CTAGE9: variants seen among roughly 807,000 people sequenced by gnomAD.
CTAGE9 encodes the protein cutaneous T-cell lymphoma-associated antigen 9.
For missense variants in CTAGE9, 248 were observed against 884.0 expected (o/e 0.28, Z 9.12); for synonymous variants, 107 against 315.9 (o/e 0.34, Z 7.01).
chr6:131,710,924 G>A lies in CTAGE9; in HGVS notation c.94C>T (p.Pro32Ser), dbSNP rs199536433. 1.3e-4 allele frequency: 212 copies of A among 1,592,670 alleles called. 4 individuals are homozygous for A. The highest frequency in any genetic ancestry group is 1.6e-4 in the Non-Finnish European group (192 of 1,178,830). ...VVAALPESMR[P>S]DENPYGFPSE... ...GGAAAACCATAAGGATTCTCATCTG[G>A]TCTCATACTCTCAGGTAGTGCTGCC... is the stretch of plus-strand genomic sequence containing the variant. The change falls in exon 1 of 1, where the codon CCA becomes TCA. Residue 32 changes from proline (P) to serine (S), a missense_variant. By Grantham distance (74) the Pro-to-Ser change is moderately conservative. Transcript: ENST00000314099.
rs1246411599 is a variant in CTAGE9 at position 131,709,758 on chromosome 6, T to G, written c.1260A>C (p.Glu420Asp). ...IEEEEKLSRV[E>D]EKISHATEEL... is the part of the protein sequence containing the mutation. ...CTTCAGTGGCATGGCTGATCTTTTC[T>G]TCCACTCTAGAAAGCTTCTCTTCTT... is the stretch of plus-strand genomic sequence containing the variant. Residue 420 changes from glutamate to aspartate, a missense_variant, in exon 1 of 1, where the codon GAA (glutamate) becomes GAC (aspartate). Transcript: ENST00000314099. 6.2e-7 allele frequency: 1 copy of G among 1,613,884 alleles called. No homozygotes were observed. Among genetic ancestry groups the G allele is most frequent in the Non-Finnish European group, 8.5e-7 (1 of 1,179,942 alleles).
At position 131,709,778 on chromosome 6, in the gene CTAGE9, C is replaced by A; in HGVS notation, c.1240G>T (p.Glu414Ter). ...VEENYRIEEE[E>*]KLSRVEEKIS... ...TTTTCTTCCACTCTAGAAAGCTTCTCTTCTTCCTCTATTCGGTAATTTTCC... is the reference window on the plus strand; with the variant it reads ...TTTTCTTCCACTCTAGAAAGCTTCTATTCTTCCTCTATTCGGTAATTTTCC... The change falls in exon 1 of 1, where the codon GAG (glutamate) becomes TAG (stop). Residue 414 changes from glutamate (E) to a stop codon, truncating the protein, a stop_gained. Coordinates refer to ENST00000314099, the MANE Select transcript of CTAGE9 (RefSeq NM_001145659.1). LOFTEE classifies it low-confidence loss of function (END_TRUNC). 6.2e-7 allele frequency: 1 copy of A among 1,613,820 alleles called. No individual in the cohort carries two copies. The highest frequency in any genetic ancestry group is 8.5e-7 in the Non-Finnish European group (1 of 1,179,898).
rs1407468613 is a variant in CTAGE9 at position 131,710,932 on chromosome 6, C to A, written c.86G>T (p.Ser29Ile). The stretch of plus-strand genomic sequence containing the variant: ...ATAAGGATTCTCATCTGGTCTCATA[C>A]TCTCAGGTAGTGCTGCCACAACTCT... ...LGRVVAALPE[S>I]MRPDENPYGF... Residue 29 changes from serine to isoleucine, a missense_variant, in exon 1 of 1, where the codon AGT (serine) becomes ATT (isoleucine). Ser to Ile is a moderately radical substitution (Grantham distance 142). Coordinates refer to ENST00000314099, the MANE Select transcript of CTAGE9 (RefSeq NM_001145659.1). 33 of 1,587,916 alleles carry A rather than the reference C, an allele frequency of 2.1e-5. 3 individuals carry two copies. The East Asian group carries it at 7.5e-4, about 36-fold the overall frequency.
In CTAGE9 at chr6:131,709,757, C is replaced by G; in HGVS notation, c.1261G>C (p.Glu421Gln). The stretch of plus-strand genomic sequence containing the variant: ...TCTTCAGTGGCATGGCTGATCTTTT[C>G]TTCCACTCTAGAAAGCTTCTCTTCT... ...EEEEKLSRVE[E>Q]KISHATEELE... Residue 421 changes from glutamate to glutamine, a missense_variant, in exon 1 of 1, where the codon GAA (glutamate) becomes CAA (glutamine). Transcript: ENST00000314099. The G allele has an allele frequency of 6.2e-7, 1 of 1,613,990 alleles. No individual in the cohort carries two copies. Among genetic ancestry groups the G allele is most frequent in the Non-Finnish European group, 8.5e-7 (1 of 1,179,936 alleles).
rs574124456 is a variant in CTAGE9 at position 131,710,081 on chromosome 6, C to A, written c.937G>T (p.Gly313Ter). 6.2e-7 allele frequency: 1 copy of A among 1,613,742 alleles called. No homozygotes were observed. Among genetic ancestry groups the A allele is most frequent in the African/African-American group, 1.3e-5 (1 of 75,028 alleles). The part of the protein sequence containing the change: ...NGANLDDPPK[G>*]ALKKLIHAAK... ...GCATGAATCAGTTTCTTCAAAGCTC[C>A]TTTCGGAGGATCATCTAAGTTAGCA... The change falls in exon 1 of 1, where the codon GGA becomes TGA. Residue 313 changes from glycine to a stop codon, truncating the protein, a stop_gained. Transcript: ENST00000314099. LOFTEE classifies it low-confidence loss of function (END_TRUNC).
rs755181349 is a variant in CTAGE9 at position 131,710,996 on chromosome 6, G to T, written c.22C>A (p.Pro8Thr). The change falls in exon 1 of 1, where the codon CCT (proline) becomes ACT (threonine). Residue 8 changes from proline (P) to threonine (T), a missense_variant. By Grantham distance (38) the Pro-to-Thr change is conservative. Transcript: ENST00000314099. MEEPGAT[P>T]QPYLGLVLEE... Reference sequence around the variant, plus strand: ...AGGACCAGCCCCAGGTAGGGCTGAGGGGTAGCACCAGGCTCCTCCATAGCG... The same window carrying T: ...AGGACCAGCCCCAGGTAGGGCTGAGTGGTAGCACCAGGCTCCTCCATAGCG... 1 of 1,584,664 alleles carries T rather than the reference G, an allele frequency of 6.3e-7. No homozygotes were observed. The highest frequency in any genetic ancestry group is 8.5e-7 in the Non-Finnish European group (1 of 1,176,756).
At position 131,708,615 on chromosome 6, in the gene CTAGE9, G is replaced by C. The variant is rs1423220337; in HGVS notation, c.*69C>G. 3.2e-6 allele frequency: 5 copies of C among 1,560,430 alleles called. No homozygotes were observed. The highest frequency in any genetic ancestry group is 4.3e-6 in the Non-Finnish European group (5 of 1,164,222). Reference sequence around the variant, plus strand: ...ACAATATTGTCAGGTGTCTTGCTGTGGTTCTGGATGTCCAGTAGCAGGCTC... The same window carrying C: ...ACAATATTGTCAGGTGTCTTGCTGTCGTTCTGGATGTCCAGTAGCAGGCTC... On this transcript the variant is annotated 3_prime_UTR_variant, in exon 1 of 1. Coordinates refer to ENST00000314099, the MANE Select transcript of CTAGE9 (RefSeq NM_001145659.1).
In CTAGE9 at chr6:131,709,712, G is replaced by C. The variant is rs1168468310; in HGVS notation, c.1306C>G (p.Leu436Val). The C allele has an allele frequency of 1.9e-6, 3 of 1,613,860 alleles. No homozygotes were observed. The highest frequency in any genetic ancestry group is 2.5e-6 in the Non-Finnish European group (3 of 1,179,920). ...ATEELETYRK[L>V]AKDLEEELER... is the part of the protein sequence containing the mutation. ...AATTCTTCTTCAAGATCTTTGGCTA[G>C]CTTTCTATAGGTCTCCAGCTCTTCA... is the stretch of plus-strand genomic sequence containing the variant. Residue 436 changes from leucine to valine, a missense_variant, in exon 1 of 1, where the codon CTA becomes GTA. By Grantham distance (32) the Leu-to-Val change is conservative. Transcript: ENST00000314099.
In CTAGE9 at chr6:131,708,480, G is replaced by A. The variant is rs1453576189; in HGVS notation, c.*204C>T. 6.6e-6 allele frequency among the ~76,000 whole-genome samples: 1 copy of A among 152,276 alleles called. No individual in the cohort carries two copies. The highest frequency in any genetic ancestry group is 6.5e-5 in the Admixed American group (1 of 15,290). On this transcript the variant is annotated 3_prime_UTR_variant, in exon 1 of 1. Coordinates refer to ENST00000314099, the MANE Select transcript of CTAGE9 (RefSeq NM_001145659.1). The stretch of plus-strand genomic sequence containing the variant: ...ATCTTTATTTACAAAATACTATCCT[G>A]AGAACTATTATTCCATTAAACTTCA...
Position 131,709,723 on chromosome 6 carries a change from G to GTC in CTAGE9, c.1293_1294dup (p.Thr432ArgfsTer6). On this transcript the variant is annotated frameshift_variant, in exon 1 of 1. Coordinates refer to ENST00000314099, the MANE Select transcript of CTAGE9 (RefSeq NM_001145659.1). LOFTEE classifies it low-confidence loss of function (END_TRUNC). ...AAGATCTTTGGCTAGCTTTCTATAG[G>GTC]TCTCCAGCTCTTCAGTGGCATGGCT... is the stretch of plus-strand genomic sequence containing the variant. 4 of 1,613,892 alleles carry GTC rather than the reference G, an allele frequency of 2.5e-6. No individual in the cohort carries two copies. The highest frequency in any genetic ancestry group is 3.4e-6 in the Non-Finnish European group (4 of 1,179,922).
In CTAGE9 at chr6:131,710,142, G is replaced by A. The variant is rs371055085; in HGVS notation, c.876C>T (p.Asn292=). The change falls in exon 1 of 1, where the codon AAC becomes AAT. Residue 292 remains asparagine (N), a synonymous_variant. Coordinates refer to ENST00000314099, the MANE Select transcript of CTAGE9 (RefSeq NM_001145659.1). ...ATTGACTGTTCACTTTTAATTCCAG[G>A]TTATCATCATCCGTTGTGTCTTCTT... ...VLEEDTTDDD[N]LELKVNSQWE... The A allele has an allele frequency of 1.1e-4, 179 of 1,613,682 alleles. No individual in the cohort carries two copies. The highest frequency in any genetic ancestry group is 1.4e-4 in the Non-Finnish European group (164 of 1,179,856).
At position 131,710,495 on chromosome 6, in the gene CTAGE9, G is replaced by A. The variant is rs1181200430; in HGVS notation, c.523C>T (p.Gln175Ter). 1 of 1,603,804 alleles carries A rather than the reference G, an allele frequency of 6.2e-7. No homozygotes were observed. Among genetic ancestry groups the A allele is most frequent in the Admixed American group, 1.7e-5 (1 of 58,816 alleles). ...ELMADISKSIQSLEDESKSLK... is the reference protein window; with the variant it reads ...ELMADISKSI ...GATTTTGACTCATCTTCTAGAGACT[G>A]TATACTTTTTGAAATATCCGCCATC... is the stretch of plus-strand genomic sequence containing the variant. The change falls in exon 1 of 1, where the codon CAG (glutamine) becomes TAG (stop). Residue 175 changes from glutamine (Q) to a stop codon, truncating the protein, a stop_gained. Coordinates refer to ENST00000314099, the MANE Select transcript of CTAGE9 (RefSeq NM_001145659.1). LOFTEE classifies it low-confidence loss of function (END_TRUNC).
Position 131,710,576 on chromosome 6 carries a change from A to G in CTAGE9, c.442T>C (p.Cys148Arg), listed in dbSNP as rs760422708. ...SNSELEDEIL[C>R]LEKDLKEEKS... The stretch of plus-strand genomic sequence containing the variant: ...TCTTCTTTTAAGTCTTTTTCTAGAC[A>G]GAGGATTTCATCCTCAAGTTCAGAA... Residue 148 changes from cysteine (C) to arginine (R), a missense_variant, in exon 1 of 1, where the codon TGT (cysteine) becomes CGT (arginine). Cys to Arg is a radical substitution (Grantham distance 180). Transcript: ENST00000314099. 6.2e-7 allele frequency: 1 copy of G among 1,613,258 alleles called. No homozygotes were observed. Among genetic ancestry groups the G allele is most frequent in the Non-Finnish European group, 8.5e-7 (1 of 1,179,844 alleles).
Position 131,710,797 on chromosome 6 carries a change from C to T in CTAGE9, c.221G>A (p.Arg74Lys), listed in dbSNP as rs1341056514. 2.5e-6 allele frequency: 4 copies of T among 1,613,542 alleles called. No individual in the cohort carries two copies. Among genetic ancestry groups the T allele is most frequent in the East Asian group, 2.2e-5 (1 of 44,884 alleles). ...AAGCGTTGCACCAAGTTTTTGCTCT[C>T]TTCCCACATAAAGCCGACTCCTAAC... ...RSVRSRLYVG[R>K]EQKLGATLSG... Residue 74 changes from arginine to lysine, a missense_variant, in exon 1 of 1, where the codon AGA becomes AAA. Physicochemically the swap from Arg to Lys is conservative, Grantham distance 26. Coordinates refer to ENST00000314099, the MANE Select transcript of CTAGE9 (RefSeq NM_001145659.1).
chr6:131,710,821 A>G lies in CTAGE9; in HGVS notation c.197T>C (p.Val66Ala). Reference protein sequence around the residue: ...LLFLWRSFRSVRSRLYVGREQ... With the variant: ...LLFLWRSFRSARSRLYVGREQ... ...TCTTCCCACATAAAGCCGACTCCTA[A>G]CCGATCTAAAACTTCTCCACAAAAA... Residue 66 changes from valine (V) to alanine (A), a missense_variant, in exon 1 of 1, where the codon GTT becomes GCT. Transcript: ENST00000314099. 6.2e-7 allele frequency: 1 copy of G among 1,613,384 alleles called. No individual in the cohort carries two copies. Among genetic ancestry groups the G allele is most frequent in the Non-Finnish European group, 8.5e-7 (1 of 1,179,842 alleles).
chr6:131,709,651 A>G lies in CTAGE9; in HGVS notation c.1367T>C (p.Ile456Thr), dbSNP rs776005714. 5.6e-6 allele frequency: 9 copies of G among 1,612,454 alleles called. No homozygotes were observed. The highest frequency in any genetic ancestry group is 1.7e-4 in the Middle Eastern group (1 of 5,898). Residue 456 changes from isoleucine (I) to threonine (T), a missense_variant, in exon 1 of 1, where the codon ATT becomes ACT. Physicochemically the swap from Ile to Thr is moderately conservative, Grantham distance 89 (BLOSUM62 -1). Transcript: ENST00000314099. ...RTVHFYQKQV[I>T]SYEKRGHDNW... is the part of the protein sequence containing the mutation. Reference sequence around the variant, plus strand: ...ATCATGTCCTCTTTTCTCGTAGGAAATAACCTGCTTTTGATAAAAATGAAC... The same window carrying G: ...ATCATGTCCTCTTTTCTCGTAGGAAGTAACCTGCTTTTGATAAAAATGAAC...
In CTAGE9 at chr6:131,710,551, T is replaced by G; in HGVS notation, c.467A>C (p.Glu156Ala). 6 of 1,612,556 alleles carry G rather than the reference T, an allele frequency of 3.7e-6. No homozygotes were observed. The highest frequency in any genetic ancestry group is 5.1e-6 in the Non-Finnish European group (6 of 1,179,802). The change falls in exon 1 of 1, where the codon GAG (glutamate) becomes GCG (alanine). Residue 156 changes from glutamate to alanine, a missense_variant. Transcript: ENST00000314099. ...ILCLEKDLKE[E>A]KSKHSQQDEL... Reference sequence around the variant, plus strand: ...ATCTTGTTGAGAATGTTTAGATTTCTCTTCTTTTAAGTCTTTTTCTAGACA... The same window carrying G: ...ATCTTGTTGAGAATGTTTAGATTTCGCTTCTTTTAAGTCTTTTTCTAGACA...
chr6:131,709,843 T>C lies in CTAGE9; in HGVS notation c.1175A>G (p.Gln392Arg). ...CCTGTAGAGTTTCATTTCATTTTCT[T>C]GATAGAATTCAGTCATTATTTTAAG... ...QKLKIMTEFY[Q>R]ENEMKLYRKL... Residue 392 changes from glutamine (Q) to arginine (R), a missense_variant, in exon 1 of 1, where the codon CAA becomes CGA. Transcript: ENST00000314099. 7 of 1,603,522 alleles carry C rather than the reference T, an allele frequency of 4.4e-6. No homozygotes were observed. The highest frequency in any genetic ancestry group is 3.4e-6 in the Non-Finnish European group (4 of 1,176,214).
rs747406204 is a variant in CTAGE9 at position 131,710,138 on chromosome 6, C to G, written c.880G>C (p.Glu294Gln). Residue 294 changes from glutamate (E) to glutamine (Q), a missense_variant, in exon 1 of 1, where the codon GAA (glutamate) becomes CAA (glutamine). Physicochemically the swap from Glu to Gln is conservative, Grantham distance 29 (BLOSUM62 2). Coordinates refer to ENST00000314099, the MANE Select transcript of CTAGE9 (RefSeq NM_001145659.1). ...TCCCATTGACTGTTCACTTTTAATT[C>G]CAGGTTATCATCATCCGTTGTGTCT... Reference protein sequence around the residue: ...EEDTTDDDNLELKVNSQWENG... With the variant: ...EEDTTDDDNLQLKVNSQWENG... 6.2e-7 allele frequency: 1 copy of G among 1,613,904 alleles called. No homozygotes were observed. Among genetic ancestry groups the G allele is most frequent in the South Asian group, 1.1e-5 (1 of 91,068 alleles).
Sources: allele counts gnomAD v4.1 joint callset (sites outside exome capture counted in the v4.1 genomes callset), GRCh38; gene constraint gnomAD v4.1.1; transcripts MANE v1.5; gene names NCBI Gene and HGNC (gene_info 2026-07-23, HGNC 2026-07-21).